Variants in SORCS1 observed in about 807,000 individuals in gnomAD.
SORCS1 encodes VPS10 domain-containing receptor SorCS1.
In SORCS1, 60 loss-of-function variants were observed where a neutral mutation model predicts 146.1. That is an observed-to-expected ratio of 0.41 (90% CI 0.33 to 0.51). SORCS1 has a LOEUF of 0.51. Ranked by LOEUF, SORCS1 falls within the 20% of genes least tolerant of loss-of-function variation. The pLI is 0.21. For missense variants in SORCS1, 1,352 were observed against 1,487.6 expected (o/e 0.91, Z 1.50); for synonymous variants, 637 against 584.0 (o/e 1.09, Z -1.31).
At chr10:106,878,787 A>AT in intron 2 of SORCS1, among the ~76,000 whole-genome samples, 1 of 150,484 alleles carries the variant, frequency 6.6e-6, no homozygotes, top group Non-Finnish European at 1.5e-5. Flanking sequence ...GGTTTTTTGC[A>AT]TTTTTTACAT....
intron 2 of SORCS1, among the ~76,000 whole-genome samples, chr10:106,934,313 A>C (rs1317818550): frequency 3.3e-5 from 5 of 151,460 alleles, no homozygotes; most frequent in Admixed American, 6.6e-5. Context: ...GCTGGAGTGC[A>C]GTGGTGCGAT....
chr10:106,579,049 C>T (rs74668920), intron 25 of SORCS1: 1 of 1,607,040 alleles, frequency 6.2e-7, no homozygotes, highest in East Asian at 2.2e-5. Context: ...TCAGCCATTG[C>T]CTACTCAGCC....
chr10:107,123,063 C>T (rs983459293), intron 1 of SORCS1, among the ~76,000 whole-genome samples: 4 of 86,684 alleles, frequency 4.6e-5, no homozygotes, highest in Non-Finnish European at 9.4e-5. Flanking sequence ...AATCATGAGG[C>T]AAAGACAAAC....
At chr10:106,926,241 A>G (rs1361979831) in intron 2 of SORCS1, among the ~76,000 whole-genome samples, 4 of 152,252 alleles carry the variant, frequency 2.6e-5, no homozygotes, top group Non-Finnish European at 4.4e-5. Context: ...TGTTTTTAAG[A>G]TAAAAATAAA....
chr10:106,740,005 C>T (rs760479761), intron 5 of SORCS1, among the ~76,000 whole-genome samples: 41 of 150,082 alleles, frequency 2.7e-4, no homozygotes, highest in Admixed American at 6.6e-4. Context: ...CTGGAGATAA[C>T]CTGACCCCAT....
At chr10:107,096,866 T>C (rs537266835) in intron 1 of SORCS1, among the ~76,000 whole-genome samples, 1 of 152,162 alleles carries the variant, frequency 6.6e-6, no homozygotes. Context: ...CAACTCACTC[T>C]TAACCCAAGA....
chr10:107,172,711 T>C, the SORCS1 span, among the ~76,000 whole-genome samples: 3 of 152,306 alleles, frequency 2.0e-5, no homozygotes, highest in African/African-American at 7.2e-5. Context: ...TTTCTTAATA[T>C]TGTCAGATGA....
In SORCS1 at chr10:106,815,169, G is replaced by A. The variant is rs1947674585; in HGVS notation, c.726+14405C>T. ...AGATGGGGTTTCTCCATGTTGGTCA[G>A]GCTGGTCTCGATCTCCTGACCTCGT... On this transcript the variant is annotated intron_variant, in intron 3 of 25. Transcript: ENST00000263054. Among the ~76,000 whole-genome samples the A allele has an allele frequency of 2.0e-5, 3 of 151,954 alleles. No individual in the cohort carries two copies. The South Asian group carries it at 6.2e-4, about 32-fold the overall frequency.
At chr10:107,044,483 G>A (rs1179385863) in intron 1 of SORCS1, among the ~76,000 whole-genome samples, 2 of 122,350 alleles carry the variant, frequency 1.6e-5, no homozygotes, top group Non-Finnish European at 3.4e-5. Context: ...AATAGGTCCT[G>A]CATTTAAAAA....
At chr10:106,853,827 A>G (rs1306418516) in intron 2 of SORCS1, among the ~76,000 whole-genome samples, 2 of 151,922 alleles carry the variant, frequency 1.3e-5, no homozygotes, top group Non-Finnish European at 2.9e-5. Flanking sequence ...ACATTGTATA[A>G]TTTCTATTTG....
chr10:107,137,791 G>A (rs1967449881), intron 1 of SORCS1, among the ~76,000 whole-genome samples: 1 of 151,720 alleles, frequency 6.6e-6, no homozygotes. Flanking sequence ...GAACCCAGGA[G>A]GCAGAGGTTG....
intron 1 of SORCS1, among the ~76,000 whole-genome samples, chr10:107,077,235 A>G (rs1356490251): frequency 6.6e-6 from 1 of 152,128 alleles, no homozygotes; most frequent in Non-Finnish European, 1.5e-5. Context: ...TTTTGAAAAT[A>G]ATTATTTAAG....
chr10:106,577,070 C>A lies in SORCS1; in HGVS notation c.*350G>T, dbSNP rs1226285039. The A allele has an allele frequency of 1.8e-6, 1 of 550,200 alleles. No individual in the cohort carries two copies. The highest frequency in any genetic ancestry group is 2.0e-5 in the African/African-American group (1 of 50,328). 34.1% of individuals were successfully genotyped at this position (550,200 alleles called of 1,614,324 possible). A position where few individuals can be genotyped will look rare whatever the true frequency, so the allele number is the denominator to read the frequency against. On this transcript the variant is annotated 3_prime_UTR_variant, in exon 26 of 26. Transcript: ENST00000263054. ...GTTCTCAGAGTATTGTCCACATGCA[C>A]AGGCTTAAAGCTAAAAACCCTTGTT...
At chr10:107,134,046 A>G (rs1967068261) in intron 1 of SORCS1, among the ~76,000 whole-genome samples, 1 of 152,174 alleles carries the variant, frequency 6.6e-6, no homozygotes, top group East Asian at 1.9e-4. Flanking sequence ...TGTTGCTATT[A>G]TTACTACTAG....
At chr10:106,921,656 T>C (rs1237347270) in intron 2 of SORCS1, among the ~76,000 whole-genome samples, 3 of 152,150 alleles carry the variant, frequency 2.0e-5, no homozygotes, top group Non-Finnish European at 2.9e-5. Context: ...ATCTCACACA[T>C]GCCTTGGAAC....
At chr10:106,813,917 C>A (rs1245185545) in intron 3 of SORCS1, among the ~76,000 whole-genome samples, 1 of 152,192 alleles carries the variant, frequency 6.6e-6, no homozygotes, top group Non-Finnish European at 1.5e-5. Flanking sequence ...CACACCACTG[C>A]ACTCCAGCTG....
chr10:106,730,118 A>G lies in SORCS1; in HGVS notation c.960-4T>C, dbSNP rs183236084. The G allele has an allele frequency of 4.3e-4, 688 of 1,614,090 alleles. 5 individuals are homozygous for G. In the African/African-American group the frequency reaches 8.1e-3, roughly 19 times the overall value. On this transcript the variant is annotated splice_polypyrimidine_tract_variant and splice_region_variant and intron_variant, in intron 5 of 25. Coordinates refer to ENST00000263054, the MANE Select transcript of SORCS1 (RefSeq NM_052918.5). ...TTTATTTGACCCCATCACAGACCTA[A>G]AAAATGGAGAAACATGAAAAGAAAC...
intron 1 of SORCS1, among the ~76,000 whole-genome samples, chr10:106,998,506 GC>G (rs1957088382): frequency 6.6e-6 from 1 of 152,202 alleles, no homozygotes; most frequent in Non-Finnish European, 1.5e-5. Context: ...TCTTAAAGGT[GC>G]ACTTTAACAT....
chr10:106,936,920 T>A (rs1483021850), intron 2 of SORCS1, among the ~76,000 whole-genome samples: 1 of 152,210 alleles, frequency 6.6e-6, no homozygotes, highest in Non-Finnish European at 1.5e-5. Flanking sequence ...TATGCTGTGG[T>A]TAAATACTAT....
Sources: allele counts gnomAD v4.1 joint callset (sites outside exome capture counted in the v4.1 genomes callset), GRCh38; gene constraint gnomAD v4.1.1; transcripts MANE v1.5; gene names NCBI Gene and HGNC (gene_info 2026-07-23, HGNC 2026-07-21).